LDLRAP1: variants seen among roughly 807,000 people sequenced by gnomAD.
LDLRAP1 encodes the protein low density lipoprotein receptor adapter protein 1.
Under a neutral mutation model 37.8 loss-of-function variants are expected in LDLRAP1, and 30 were observed. The observed-to-expected ratio is 0.79, with a 90% CI of 0.59 to 1.08. The LOEUF (loss-of-function observed/expected upper bound fraction) is 1.08, where lower values mean the gene tolerates loss of function less well. LDLRAP1 is among the 50% of genes least tolerant of loss of function. LDLRAP1 has a pLI of 0.00. For missense variants in LDLRAP1, 375 were observed against 401.6 expected (o/e 0.93, Z 0.57); for synonymous variants, 156 against 169.8 (o/e 0.92, Z 0.63).
At chr1:25,560,564 A>T (rs2044319375) in intron 4 of LDLRAP1, among the ~76,000 whole-genome samples, 1 of 152,006 alleles carries the variant, frequency 6.6e-6, no homozygotes, top group African/African-American at 2.4e-5. Context: ...TGCTACCCCC[A>T]TTTCCACCCA....
intron 1 of LDLRAP1, among the ~76,000 whole-genome samples, chr1:25,553,028 T>C (rs2044111083): frequency 1.3e-5 from 2 of 152,056 alleles, no homozygotes. Flanking sequence ...GAAATCGCCT[T>C]CTCCTCTCCC....
At chr1:25,565,835 C>G (rs2044465272) in intron 8 of LDLRAP1, among the ~76,000 whole-genome samples, 1 of 152,188 alleles carries the variant, frequency 6.6e-6, no homozygotes, top group South Asian at 2.1e-4. Context: ...CTCCCTTTCT[C>G]ACTTGAGACC....
At chr1:25,552,506 G>C (rs1167211683) in intron 1 of LDLRAP1, among the ~76,000 whole-genome samples, 1 of 152,202 alleles carries the variant, frequency 6.6e-6, no homozygotes, top group African/African-American at 2.4e-5. Context: ...TGTGTGTGAG[G>C]CTGAAGAGCA....
rs995445314 is a variant in LDLRAP1 at position 25,544,423 on chromosome 1, C to G, written c.88+637C>G. Among the ~76,000 whole-genome samples, 7 of 152,220 alleles carry G rather than the reference C, an allele frequency of 4.6e-5. No homozygotes were observed. The highest frequency in any genetic ancestry group is 7.3e-5 in the Non-Finnish European group (5 of 68,040). ...CATCAGGCGATCTAGACCCTTACGT[C>G]CCTTCCTCTAGCCGGGTCCAGGTGG... On this transcript the variant is annotated intron_variant, in intron 1 of 8. Transcript: ENST00000374338. This position sits in a 1 kb window ranked among gnomAD's most constrained non-coding sequence, Gnocchi z 4.8.
intron 1 of LDLRAP1, among the ~76,000 whole-genome samples, chr1:25,547,406 T>C (rs1327322736): frequency 6.6e-6 from 1 of 151,610 alleles, no homozygotes; most frequent in Admixed American, 6.6e-5. Context: ...TCGCTTGAAC[T>C]TGGGAGGCAG....
At chr1:25,579,582 A>G in the LDLRAP1 span, among the ~76,000 whole-genome samples, 3 of 152,228 alleles carry the variant, frequency 2.0e-5, no homozygotes, top group Non-Finnish European at 4.4e-5. Context: ...GCTCCAGTCC[A>G]TGCCTTGAGC....
At chr1:25,580,749 C>G in the LDLRAP1 span, among the ~76,000 whole-genome samples, 1 of 152,166 alleles carries the variant, frequency 6.6e-6, no homozygotes, top group Non-Finnish European at 1.5e-5. Flanking sequence ...TGGTCTCAAG[C>G]AGTCCTCCTG....
the LDLRAP1 span, among the ~76,000 whole-genome samples, chr1:25,579,955 GT>G: frequency 6.6e-6 from 1 of 152,132 alleles, no homozygotes; most frequent in Non-Finnish European, 1.5e-5. Context: ...AACCCGCCAG[GT>G]TTCTGAGTTG....
chr1:25,553,071 G>A (rs2044112803), intron 1 of LDLRAP1, among the ~76,000 whole-genome samples: 1 of 152,068 alleles, frequency 6.6e-6, no homozygotes, highest in South Asian at 2.1e-4. Context: ...CTCTCCCTGG[G>A]CTACTGTCTC....
At chr1:25,551,288 A>G (rs1442135270) in intron 1 of LDLRAP1, among the ~76,000 whole-genome samples, 1 of 152,140 alleles carries the variant, frequency 6.6e-6, no homozygotes, top group Non-Finnish European at 1.5e-5. Flanking sequence ...GGTATTAGGA[A>G]TACCTAATTC....
At chr1:25,570,272 C>T (rs747142101), downstream of LDLRAP1, among the ~76,000 whole-genome samples, 4 of 152,156 alleles carry the variant, frequency 2.6e-5, no homozygotes, top group Non-Finnish European at 5.9e-5. Context: ...CTTTAGTCTC[C>T]GGATGTCTCG....
chr1:25,579,227 C>T, the LDLRAP1 span, among the ~76,000 whole-genome samples: 7 of 152,190 alleles, frequency 4.6e-5, no homozygotes, highest in African/African-American at 9.6e-5. Flanking sequence ...GCACCCCACT[C>T]GATGAGGCCA....
chr1:25,579,180 A>G, the LDLRAP1 span, among the ~76,000 whole-genome samples: 1 of 152,214 alleles, frequency 6.6e-6, no homozygotes, highest in East Asian at 1.9e-4. Context: ...TAAGATGCAC[A>G]CAGTCTGTTC....
the LDLRAP1 span, among the ~76,000 whole-genome samples, chr1:25,580,565 T>G: frequency 2.5e-4 from 38 of 152,316 alleles, no homozygotes; most frequent in African/African-American, 8.7e-4. Context: ...TGAAGTGCGG[T>G]GGCACAATCA....
intron 1 of LDLRAP1, 62 bp from the exon 2 acceptor site, chr1:25,553,860 A>C: frequency 6.3e-7 from 1 of 1,595,608 alleles, no homozygotes; most frequent in South Asian, 1.1e-5. Context: ...GGCTGGTGAG[A>C]GCTGTTGCTG....
chr1:25,567,090 C>T lies in LDLRAP1; in HGVS notation c.*98C>T. The T allele has an allele frequency of 7.0e-7, 1 of 1,437,312 alleles. No homozygotes were observed. The highest frequency in any genetic ancestry group is 9.6e-7 in the Non-Finnish European group (1 of 1,036,814). 89.0% of individuals were successfully genotyped at this position (1,437,312 alleles called of 1,614,324 possible). On this transcript the variant is annotated 3_prime_UTR_variant, in exon 9 of 9. Coordinates refer to ENST00000374338, the MANE Select transcript of LDLRAP1 (RefSeq NM_015627.3). ...GTTCTGGGGCCCGCCTGCCACCTCT[C>T]CCAGCCCTCAGCATTGTCAGCCTGA...
At chr1:25,546,559 C>T in intron 1 of LDLRAP1, among the ~76,000 whole-genome samples, 1 of 152,156 alleles carries the variant, frequency 6.6e-6, no homozygotes. Flanking sequence ...AGGCATTTTC[C>T]TTCCAGCTGC....
At chr1:25,545,069 T>C (rs1020639062) in intron 1 of LDLRAP1, among the ~76,000 whole-genome samples, 1 of 152,210 alleles carries the variant, frequency 6.6e-6, no homozygotes, top group Non-Finnish European at 1.5e-5. Context: ...CAGAGACCCA[T>C]TAGGGCTGGG....
At chr1:25,560,922 A>T (rs2044328085) in intron 4 of LDLRAP1, among the ~76,000 whole-genome samples, 5 of 152,266 alleles carry the variant, frequency 3.3e-5, no homozygotes. Context: ...CCCCACTCCC[A>T]GTCCCTGCCC....
Sources: gnomAD v4.1 joint callset for allele counts (sites outside exome capture counted in the v4.1 genomes callset) on GRCh38, gnomAD v4.1.1 for gene constraint, Gnocchi (gnomAD v3.1) non-coding constraint, MANE v1.5 for transcripts, NCBI Gene and HGNC (gene_info 2026-07-23, HGNC 2026-07-21) for gene names.